EPB41L1: variants seen among roughly 807,000 people sequenced by gnomAD.
The protein encoded by EPB41L1 is band 4.1-like protein 1.
A neutral mutation model predicts 97.8 loss-of-function variants in EPB41L1; 29 were observed. The ratio of observed to expected loss-of-function variants is 0.30; its 90% CI spans 0.22 to 0.40. The LOEUF (loss-of-function observed/expected upper bound fraction) is 0.40. EPB41L1 is among the 10% of genes least tolerant of loss of function. The probability of loss-of-function intolerance (pLI) is 1.00; values close to 1 mark genes in which losing one functional copy is unlikely to be tolerated. For missense variants in EPB41L1, 812 were observed against 1,162.3 expected (o/e 0.70, Z 4.38); for synonymous variants, 383 against 459.2 (o/e 0.83, Z 2.12).
intron 3 of EPB41L1, 41 bp downstream of exon 3, chr20:36,175,756 GC>G: frequency 6.2e-7 from 1 of 1,611,038 alleles, no homozygotes; most frequent in African/African-American, 1.3e-5. Flanking sequence ...TCCCCGGTCA[GC>G]CAGCCTCAGG....
intron 7 of EPB41L1, 101 bp downstream of exon 7, chr20:36,185,436 A>G: frequency 8.8e-7 from 1 of 1,137,286 alleles, no homozygotes; most frequent in Non-Finnish European, 1.3e-6. Flanking sequence ...TGCTGTTTGT[A>G]CCCCGCCTGG....
rs978649571 is a variant in EPB41L1, at chr20:36,093,722, C to T, written c.-65+2110C>T. Among the ~76,000 whole-genome samples, 2 of 151,742 alleles carry T rather than the reference C, an allele frequency of 1.3e-5. No homozygotes were observed. Among genetic ancestry groups the T allele is most frequent in the African/African-American group, 4.8e-5 (2 of 41,294 alleles). ...GTGTGTGTATGTGTATGCGTGCGCG[C>T]GCGTGTGTGGATGTGGGTGTGGGTG... is the stretch of plus-strand genomic sequence containing the variant. On this transcript the variant is annotated intron_variant, in intron 1 of 19. Coordinates refer to the EPB41L1 transcript ENST00000202028. The surrounding 1 kb of genome is among the most constrained non-coding windows in gnomAD (Gnocchi z 5.4).
intron 1 of EPB41L1, among the ~76,000 whole-genome samples, chr20:36,170,493 G>GT (rs1268508218): frequency 6.6e-6 from 1 of 151,900 alleles, no homozygotes; most frequent in Non-Finnish European, 1.5e-5. Flanking sequence ...GATTTTTTAC[G>GT]TTTTTTTCCT....
chr20:36,135,119 T>C (rs901237740), intron 2 of EPB41L1, among the ~76,000 whole-genome samples: 3 of 152,150 alleles, frequency 2.0e-5, no homozygotes, highest in Non-Finnish European at 4.4e-5. Flanking sequence ...CACCTCGGCC[T>C]CCCAAAGTGC....
At chr20:36,183,865 C>T (rs1233107289) in intron 6 of EPB41L1, among the ~76,000 whole-genome samples, 1 of 152,136 alleles carries the variant, frequency 6.6e-6, no homozygotes, top group Non-Finnish European at 1.5e-5. Flanking sequence ...GCTGCACATA[C>T]TTTTTGCCAG....
intron 2 of EPB41L1, among the ~76,000 whole-genome samples, chr20:36,142,371 G>C (rs1388564103): frequency 6.6e-6 from 1 of 152,122 alleles, no homozygotes; most frequent in Non-Finnish European, 1.5e-5. Context: ...CCTGTATACA[G>C]TGCTTAGACA....
chr20:36,130,308 G>A (rs2059149064), intron 2 of EPB41L1, among the ~76,000 whole-genome samples: 1 of 151,648 alleles, frequency 6.6e-6, no homozygotes, highest in East Asian at 1.9e-4. Context: ...GGGAAAACAG[G>A]AAGCAGAAAA....
chr20:36,139,893 G>A (rs750516732), intron 2 of EPB41L1, among the ~76,000 whole-genome samples: 14 of 152,000 alleles, frequency 9.2e-5, no homozygotes, highest in East Asian at 1.9e-4. Context: ...CACCATGCCT[G>A]GCTAATTTTG....
In EPB41L1 at chr20:36,093,281, G is replaced by T. The variant is rs535575431; in HGVS notation, c.-65+1669G>T. 2.0e-5 allele frequency among the ~76,000 whole-genome samples: 3 copies of T among 151,966 alleles called. No homozygotes were observed. The highest frequency in any genetic ancestry group is 4.4e-5 in the Non-Finnish European group (3 of 67,940). ...TGTACACCTCTGGGTGAGGGCGTGT[G>T]CCAGTGGCTTCGCTTGTGGCTGCAG... On this transcript the variant is annotated intron_variant, in intron 1 of 19. Coordinates refer to the EPB41L1 transcript ENST00000202028. The surrounding 1 kb of genome is among the most constrained non-coding windows in gnomAD (Gnocchi z 5.4).
intron 1 of EPB41L1, among the ~76,000 whole-genome samples, chr20:36,101,544 C>T (rs2058017226): frequency 6.6e-6 from 1 of 152,110 alleles, no homozygotes; most frequent in South Asian, 2.1e-4. Context: ...ATCCACAGAG[C>T]CACTCTTCAT....
chr20:36,171,589 G>T (rs901871620), intron 1 of EPB41L1, among the ~76,000 whole-genome samples: 2 of 152,172 alleles, frequency 1.3e-5, no homozygotes, highest in Non-Finnish European at 2.9e-5. Flanking sequence ...TCTGTGGGGG[G>T]CTGAGGATGT....
At chr20:36,105,609 A>G (rs898479714) in intron 1 of EPB41L1, among the ~76,000 whole-genome samples, 1 of 152,166 alleles carries the variant, frequency 6.6e-6, no homozygotes, top group Non-Finnish European at 1.5e-5. Context: ...ACAGAGGGCT[A>G]TCCCACATTG....
chr20:36,143,796 G>A (rs1364686966), intron 2 of EPB41L1, among the ~76,000 whole-genome samples: 1 of 151,886 alleles, frequency 6.6e-6, no homozygotes, highest in Non-Finnish European at 1.5e-5. Flanking sequence ...AGTTTTCATT[G>A]CATTTTCAAA....
intron 1 of EPB41L1, among the ~76,000 whole-genome samples, chr20:36,170,407 A>T (rs1325054783): frequency 6.6e-6 from 1 of 152,224 alleles, no homozygotes; most frequent in Non-Finnish European, 1.5e-5. Flanking sequence ...GTATCTGTGC[A>T]TGTGTATTCA....
At chr20:36,159,194 A>C (rs1458091661) in intron 1 of EPB41L1, among the ~76,000 whole-genome samples, 1 of 152,172 alleles carries the variant, frequency 6.6e-6, no homozygotes, top group Non-Finnish European at 1.5e-5. Context: ...GTCTCCCTTT[A>C]GTCATCTGGA....
intron 2 of EPB41L1, among the ~76,000 whole-genome samples, chr20:36,121,055 C>T (rs1479461724): frequency 2.8e-5 from 4 of 141,832 alleles, no homozygotes; most frequent in South Asian, 2.4e-4. Flanking sequence ...ACAATGTGAA[C>T]GCATTACCTG....
chr20:36,207,857 A>G lies in EPB41L1; in HGVS notation c.1669-1631A>G. The stretch of plus-strand genomic sequence containing the variant: ...GCTGGCCGCATGCTCTGTAGTTTTT[A>G]GAAGCATGTTTCAGTGGCCCCTCGT... On this transcript the variant is annotated intron_variant, in intron 14 of 21. Coordinates refer to ENST00000338074, the MANE Select transcript of EPB41L1 (RefSeq NM_012156.2). This position sits in a 1 kb window ranked among gnomAD's most constrained non-coding sequence, Gnocchi z 4.9. The G allele has an allele frequency of 8.3e-7, 1 of 1,209,186 alleles. No individual in the cohort carries two copies. Among genetic ancestry groups the G allele is most frequent in the Non-Finnish European group, 1.1e-6 (1 of 948,240 alleles). 74.9% of individuals were successfully genotyped at this position (1,209,186 alleles called of 1,614,324 possible).
At chr20:36,147,516 A>C (rs1415135670) in intron 2 of EPB41L1, among the ~76,000 whole-genome samples, 3 of 152,220 alleles carry the variant, frequency 2.0e-5, no homozygotes, top group Non-Finnish European at 4.4e-5. Context: ...TAGCAGTGTG[A>C]CCTTGGATGA....
In EPB41L1 at chr20:36,190,739, A is replaced by C. The variant is rs574706898; in HGVS notation, c.1242A>C (p.Ala414=). ...RQASALIDRP[A]PFFERSSSKR... ...CCAGCGCCCTCATTGACCGGCCTGC[A>C]CCCTTCTTTGAGCGTTCTTCCAGCA... The change falls in exon 11 of 22, where the codon GCA becomes GCC. Residue 414 remains alanine, a synonymous_variant. Transcript: ENST00000338074. The surrounding 1 kb of genome is among the most constrained non-coding windows in gnomAD (Gnocchi z 5.8). The C allele has an allele frequency of 1.4e-4, 231 of 1,614,032 alleles. 3 individuals carry two copies. The South Asian group carries it at 2.1e-3, about 15-fold the overall frequency.
Sources: gnomAD v4.1 joint callset for allele counts (sites outside exome capture counted in the v4.1 genomes callset) on GRCh38, gnomAD v4.1.1 for gene constraint, Gnocchi (gnomAD v3.1) non-coding constraint, MANE v1.5 for transcripts, NCBI Gene and HGNC (gene_info 2026-07-23, HGNC 2026-07-21) for gene names.